The following GNG7 variants were observed in gnomAD, a reference collection of about 807,000 sequenced individuals.
GNG7 encodes G protein subunit gamma 7, also known as guanine nucleotide-binding protein G(I)/G(S)/G(O) subunit gamma-7.
A neutral mutation model predicts 4.0 loss-of-function variants in GNG7; 1 was observed. The ratio of observed to expected loss-of-function variants is 0.25; its 90% CI spans 0.09 to 1.18. The LOEUF is 1.18. Among genes scored for constraint, GNG7 ranks in the 50% most tolerant of loss-of-function variants. The pLI is 0.50. For missense variants in GNG7, 86 were observed against 91.9 expected (o/e 0.94, Z 0.26); for synonymous variants, 34 against 36.9 (o/e 0.92, Z 0.29).
chr19:2,589,395 T>TTTTTTA (rs869236480), intron 2 of GNG7, among the ~76,000 whole-genome samples: 6 of 113,024 alleles, frequency 5.3e-5, no homozygotes, highest in African/African-American at 1.5e-4. Flanking sequence ...TTTTTTTTTT[T>TTTTTTA]AAATAGCAGA....
At chr19:2,517,121 TG>T (rs1245039495) in intron 4 of GNG7, 1 of 152,198 alleles carries the variant, frequency 6.6e-6, no homozygotes, top group Non-Finnish European at 1.5e-5. Flanking sequence ...GAGGATTAGA[TG>T]TGGCAGAGGT....
chr19:2,685,147 G>T (rs535315033), intron 1 of GNG7, among the ~76,000 whole-genome samples: 2 of 150,940 alleles, frequency 1.3e-5, no homozygotes, highest in Non-Finnish European at 3.0e-5. Context: ...AAAGAAAAAA[G>T]AAAATAAAGT....
Position 2,512,077 on chromosome 19 carries a change from T to C in GNG7, c.*2945A>G. On this transcript the variant is annotated 3_prime_UTR_variant, in exon 5 of 5. Transcript: ENST00000382159. The surrounding 1 kb of genome is among the most constrained non-coding windows in gnomAD (Gnocchi z 4.7). ...CTTCTCTCTCCCACCCGACGCTGCC[T>C]TGTGTGTGTGCGTGGGTGGGGGTGA... 1.0e-6 allele frequency: 1 copy of C among 985,850 alleles called. No individual in the cohort carries two copies. Among genetic ancestry groups the C allele is most frequent in the Non-Finnish European group, 1.2e-6 (1 of 829,930 alleles). The allele number at this position is 985,850 out of a possible 1,614,324, so 61.1% of individuals were successfully genotyped here. A position where few individuals can be genotyped will look rare whatever the true frequency, so the allele number is the denominator to read the frequency against.
intron 2 of GNG7, among the ~76,000 whole-genome samples, chr19:2,579,952 C>T (rs935612657): frequency 6.6e-5 from 10 of 152,168 alleles, no homozygotes; most frequent in African/African-American, 2.2e-4. Context: ...CGCTTTCTGC[C>T]TCCTCCAGTT....
intron 2 of GNG7, among the ~76,000 whole-genome samples, chr19:2,587,546 C>T (rs1020569173): frequency 2.6e-5 from 4 of 152,080 alleles, no homozygotes; most frequent in Non-Finnish European, 4.4e-5. Flanking sequence ...GGCGTCAGCT[C>T]GGGGGTCGGT....
Position 2,519,105 on chromosome 19 carries a change from T to C in GNG7, c.81+1503A>G, listed in dbSNP as rs191898832. The stretch of plus-strand genomic sequence containing the variant: ...GTCACCGTGCCTGGCCAGTTAAATG[T>C]TTTTTTAGATGTTGCTGTGAAGGTT... On this transcript the variant is annotated intron_variant, in intron 4 of 4. Transcript: ENST00000382159. 3.2e-3 allele frequency among the ~76,000 whole-genome samples: 491 copies of C among 151,494 alleles called. 4 individuals are homozygous for C. The highest frequency in any genetic ancestry group is 4.9e-3 in the Non-Finnish European group (334 of 67,856).
chr19:2,533,220 AATT>A (rs1978648444), intron 3 of GNG7, among the ~76,000 whole-genome samples: 1 of 148,674 alleles, frequency 6.7e-6, no homozygotes, highest in South Asian at 2.1e-4. Flanking sequence ...ATTAGTATTT[AATT>A]AATATTAATA....
chr19:2,667,619 A>T (rs531066033), intron 1 of GNG7, among the ~76,000 whole-genome samples: 6 of 152,174 alleles, frequency 3.9e-5, no homozygotes, highest in Middle Eastern at 3.4e-3. Context: ...CTCTACAAAA[A>T]TAATTTAAAA....
At chr19:2,575,187 C>T (rs1980271193) in intron 2 of GNG7, among the ~76,000 whole-genome samples, 1 of 151,262 alleles carries the variant, frequency 6.6e-6, no homozygotes, top group Non-Finnish European at 1.5e-5. Flanking sequence ...TGGGCTCAAG[C>T]TATCCTCCCA....
At chr19:2,559,284 G>C (rs912718163) in intron 2 of GNG7, among the ~76,000 whole-genome samples, 1 of 151,186 alleles carries the variant, frequency 6.6e-6, no homozygotes, top group Admixed American at 6.6e-5. Flanking sequence ...ATTTTTGTAG[G>C]GGTAGTTTCC....
chr19:2,613,497 C>T (rs1472126427), intron 2 of GNG7, among the ~76,000 whole-genome samples: 1 of 139,362 alleles, frequency 7.2e-6, no homozygotes, highest in East Asian at 1.9e-4. Context: ...GGACCCCCAG[C>T]TCCTGGGACT....
intron 2 of GNG7, among the ~76,000 whole-genome samples, chr19:2,624,749 G>GA (rs1371210008): frequency 1.3e-5 from 2 of 152,178 alleles, no homozygotes; most frequent in African/African-American, 4.8e-5. Flanking sequence ...TGCCTTCTGG[G>GA]AAGGAGGGAA....
chr19:2,572,596 CCTT>C (rs1980182760), intron 2 of GNG7, among the ~76,000 whole-genome samples: 2 of 142,928 alleles, frequency 1.4e-5, no homozygotes, highest in Non-Finnish European at 3.1e-5. Flanking sequence ...CGCGCCCGGC[CCTT>C]TTTTTTTTTT....
chr19:2,636,991 C>A (rs1982326027), intron 2 of GNG7, among the ~76,000 whole-genome samples: 1 of 151,832 alleles, frequency 6.6e-6, no homozygotes, highest in South Asian at 2.1e-4. Flanking sequence ...CCCACCTGCA[C>A]CTCTGTCCCC....
intron 2 of GNG7, among the ~76,000 whole-genome samples, chr19:2,568,299 G>GCACA (rs1491505190): frequency 2.7e-5 from 3 of 111,032 alleles, no homozygotes; most frequent in Admixed American, 1.7e-4. Context: ...ATATACACAC[G>GCACA]CACACACATA....
intron 2 of GNG7, among the ~76,000 whole-genome samples, chr19:2,592,492 T>C (rs1301602236): frequency 1.3e-5 from 2 of 152,066 alleles, no homozygotes; most frequent in Middle Eastern, 3.4e-3. Flanking sequence ...CCCAGCACTT[T>C]GGGAGACTGA....
rs147794878 is a variant in GNG7 at position 2,653,479 on chromosome 19, C to CA, written c.-134-7200_-134-7199insT. Among the ~76,000 whole-genome samples the CA allele has an allele frequency of 0.04, 6,157 of 152,230 alleles. 229 individuals are homozygous for CA. Among genetic ancestry groups the CA allele is most frequent in the African/African-American group, 0.094 (3,923 of 41,532 alleles). On this transcript the variant is annotated intron_variant, in intron 1 of 4. Coordinates refer to ENST00000382159, the MANE Select transcript of GNG7 (RefSeq NM_052847.3). This position sits in a 1 kb window ranked among gnomAD's most constrained non-coding sequence, Gnocchi z 4.8. ...GAGGAGAATCCCAGGAGCTGGGGGGCCCCCCTGGTTTATACCGTCTTCCCC... is the reference window on the plus strand; with the variant it reads ...GAGGAGAATCCCAGGAGCTGGGGGGCACCCCCTGGTTTATACCGTCTTCCCC...
intron 2 of GNG7, among the ~76,000 whole-genome samples, chr19:2,621,558 G>A (rs1230666116): frequency 1.3e-5 from 2 of 151,992 alleles, no homozygotes; most frequent in Admixed American, 6.6e-5. Flanking sequence ...TTAGCCGGGC[G>A]TGTTGGTGCG....
At chr19:2,551,049 G>A (rs1427506617) in intron 3 of GNG7, among the ~76,000 whole-genome samples, 1 of 152,166 alleles carries the variant, frequency 6.6e-6, no homozygotes, top group Admixed American at 6.5e-5. Context: ...ACGGCACGTG[G>A]CCACATGGCT....
Sources: gnomAD v4.1 joint callset for allele counts (sites outside exome capture counted in the v4.1 genomes callset) on GRCh38, gnomAD v4.1.1 for gene constraint, Gnocchi (gnomAD v3.1) non-coding constraint, MANE v1.5 for transcripts, NCBI Gene and HGNC (gene_info 2026-07-23, HGNC 2026-07-21) for gene names.